The following GRM7 variants were observed in gnomAD, a reference collection of about 807,000 sequenced individuals.
The protein encoded by GRM7 is metabotropic glutamate receptor 7.
GRM7 carries 35 observed loss-of-function variants against 84.5 expected under a neutral mutation model. The ratio of observed to expected loss-of-function variants is 0.41; its 90% CI spans 0.32 to 0.55. GRM7 has a LOEUF of 0.55. GRM7 is among the 20% of genes least tolerant of loss of function. The pLI, the probability that GRM7 is intolerant of heterozygous loss-of-function variation, is 0.19. For synonymous variants in GRM7, 487 were observed against 455.1 expected, an observed-to-expected ratio of 1.07 and a Z score of -0.89; for missense variants, 1,003 against 1,194.6, an observed-to-expected ratio of 0.84 and a Z score of 2.36.
chr3:7,634,519 C>A (rs1697992260), intron 8 of GRM7, among the ~76,000 whole-genome samples: 1 of 128,906 alleles, frequency 7.8e-6, no homozygotes, highest in African/African-American at 3.2e-5. Context: ...GGCTCCATGG[C>A]TCACGCCTGT....
chr3:7,176,742 C>A (rs9311981), intron 2 of GRM7, among the ~76,000 whole-genome samples: 21 of 151,938 alleles, frequency 1.4e-4, no homozygotes, highest in African/African-American at 5.1e-4. Context: ...GTTAATTACA[C>A]CTTGGTTACA....
chr3:7,055,382 T>C (rs112746516), intron 1 of GRM7, among the ~76,000 whole-genome samples: 165 of 151,916 alleles, frequency 1.1e-3, no homozygotes, highest in African/African-American at 3.7e-3. Flanking sequence ...AATTCTTTCA[T>C]AGGTGGAGAA....
intron 1 of GRM7, among the ~76,000 whole-genome samples, chr3:6,989,071 T>C (rs1694537717): frequency 6.6e-6 from 1 of 152,202 alleles, no homozygotes; most frequent in Admixed American, 6.5e-5. Flanking sequence ...TCAAGCTCTT[T>C]AAATGGCCAA....
At chr3:7,523,807 T>C (rs1173302972) in intron 7 of GRM7, among the ~76,000 whole-genome samples, 1 of 152,022 alleles carries the variant, frequency 6.6e-6, no homozygotes, top group Non-Finnish European at 1.5e-5. Flanking sequence ...TAAGGACAGA[T>C]ATGGAAATGC....
chr3:7,561,554 A>G (rs1301397416), intron 7 of GRM7: 3 of 456,478 alleles, frequency 6.6e-6, no homozygotes, highest in Non-Finnish European at 1.3e-5. Context: ...CTTCCAGGAC[A>G]TCGTAGTACC....
At position 7,697,924 on chromosome 3, in the gene GRM7, G is replaced by T. The variant is rs114575947; in HGVS notation, c.2698+17629G>T. On this transcript the variant is annotated intron_variant, in intron 9 of 9. Coordinates refer to ENST00000357716, the MANE Select transcript of GRM7 (RefSeq NM_000844.4). ...CTGCAAATGCCCAATTTAAAACCAG[G>T]CTTCTTGTGTTCGAACAAATCGTCT... Among the ~76,000 whole-genome samples, 440 of 152,226 alleles carry T rather than the reference G, an allele frequency of 2.9e-3. 5 individuals carry two copies. Among genetic ancestry groups the T allele is most frequent in the Non-Finnish European group, 5.0e-3 (338 of 68,014 alleles).
In GRM7 at chr3:7,547,724, C is replaced by A. The variant is rs147148946; in HGVS notation, c.1516-30698C>A. 4.3e-3 allele frequency among the ~76,000 whole-genome samples: 658 copies of A among 152,232 alleles called. 3 individuals carry two copies. The highest frequency in any genetic ancestry group is 0.011 in the African/African-American group (470 of 41,536). On this transcript the variant is annotated intron_variant, in intron 7 of 9. Coordinates refer to ENST00000357716, the MANE Select transcript of GRM7 (RefSeq NM_000844.4). ...GATAATGGTGGCCTATAAAATGATC[C>A]TTTTACCCATCTGACTCTCCCATGT...
intron 7 of GRM7, among the ~76,000 whole-genome samples, chr3:7,523,287 C>T (rs756441207): frequency 5.1e-4 from 78 of 152,086 alleles, no homozygotes; most frequent in Non-Finnish European, 1.0e-3. Context: ...AATTGATATA[C>T]AGAAAAATTT....
At chr3:7,341,872 C>G (rs1692650630) in intron 4 of GRM7, among the ~76,000 whole-genome samples, 1 of 152,126 alleles carries the variant, frequency 6.6e-6, no homozygotes, top group Non-Finnish European at 1.5e-5. Context: ...TGAACTCAGT[C>G]TGAGTTCAGA....
chr3:6,949,228 G>A (rs528977908), intron 1 of GRM7, among the ~76,000 whole-genome samples: 7 of 152,288 alleles, frequency 4.6e-5, no homozygotes, highest in African/African-American at 1.7e-4. Flanking sequence ...GCTTCCTTCA[G>A]GAGCTCTTTT....
At chr3:7,339,404 C>A (rs17047161) in intron 4 of GRM7, among the ~76,000 whole-genome samples, 4,776 of 152,214 alleles carry the variant, frequency 0.031, 132 homozygotes, top group African/African-American at 0.078. Flanking sequence ...CCACAGGGTT[C>A]AAACTTTCCG....
intron 9 of GRM7, among the ~76,000 whole-genome samples, chr3:7,702,721 G>T (rs1252702726): frequency 6.6e-6 from 1 of 152,166 alleles, no homozygotes; most frequent in Non-Finnish European, 1.5e-5. Flanking sequence ...CATATATACT[G>T]ATCCTAATTA....
rs946640394 is a variant in GRM7 at position 7,314,699 on chromosome 3, C to T, written c.1033+8047C>T. On this transcript the variant is annotated intron_variant, in intron 4 of 9. Coordinates refer to ENST00000357716, the MANE Select transcript of GRM7 (RefSeq NM_000844.4). Reference sequence around the variant, plus strand: ...GTTCTTTGTCCATGGTTTCCTGTAGCTCTTTGAGATATTTAAGATAATTGA... The same window carrying T: ...GTTCTTTGTCCATGGTTTCCTGTAGTTCTTTGAGATATTTAAGATAATTGA... Among the ~76,000 whole-genome samples, 5 of 151,950 alleles carry T rather than the reference C, an allele frequency of 3.3e-5. No individual in the cohort carries two copies. The East Asian group carries it at 9.7e-4, about 29-fold the overall frequency.
At chr3:7,079,617 AG>A (rs1210767980) in intron 1 of GRM7, among the ~76,000 whole-genome samples, 2 of 152,176 alleles carry the variant, frequency 1.3e-5, no homozygotes, top group Non-Finnish European at 2.9e-5. Context: ...GTTGAATAGA[AG>A]TATCAAGGAA....
At chr3:7,737,692 A>C (rs1354175656) in intron 9 of GRM7, among the ~76,000 whole-genome samples, 1 of 152,210 alleles carries the variant, frequency 6.6e-6, no homozygotes, top group African/African-American at 2.4e-5. Context: ...TGTTCCTAGC[A>C]ATTCTGCAAA....
At chr3:7,074,183 A>G (rs934264806) in intron 1 of GRM7, among the ~76,000 whole-genome samples, 1 of 152,206 alleles carries the variant, frequency 6.6e-6, no homozygotes, top group African/African-American at 2.4e-5. Flanking sequence ...AGTCCTCAAA[A>G]TAACACTGTG....
chr3:7,207,123 T>C (rs976304596), intron 2 of GRM7, among the ~76,000 whole-genome samples: 5 of 152,162 alleles, frequency 3.3e-5, no homozygotes, highest in African/African-American at 1.2e-4. Flanking sequence ...ATGCAAAAGA[T>C]GAAGGAATGC....
chr3:7,069,130 T>C (rs983246165), intron 1 of GRM7, among the ~76,000 whole-genome samples: 1 of 151,802 alleles, frequency 6.6e-6, no homozygotes, highest in Non-Finnish European at 1.5e-5. Context: ...AAAAGGATAA[T>C]TAAAGAACCC....
At chr3:6,958,688 A>G (rs1693170029) in intron 1 of GRM7, among the ~76,000 whole-genome samples, 1 of 152,164 alleles carries the variant, frequency 6.6e-6, no homozygotes, top group African/African-American at 2.4e-5. Flanking sequence ...ATACAAAAAA[A>G]CTTTCCTAAG....
Sources: gnomAD v4.1 joint callset for allele counts (sites outside exome capture counted in the v4.1 genomes callset) on GRCh38, gnomAD v4.1.1 for gene constraint, MANE v1.5 for transcripts, NCBI Gene and HGNC (gene_info 2026-07-23, HGNC 2026-07-21) for gene names.